The following PDPR variants were observed in gnomAD, a reference collection of about 807,000 sequenced individuals.
PDPR encodes the protein pyruvate dehydrogenase phosphatase regulatory subunit, mitochondrial.
A neutral mutation model predicts 102.2 loss-of-function variants in PDPR; 50 were observed. The ratio of observed to expected loss-of-function variants is 0.49; its 90% CI spans 0.39 to 0.62. The LOEUF (loss-of-function observed/expected upper bound fraction) is 0.62, where lower values mean the gene tolerates loss of function less well. Ranked by LOEUF, PDPR falls within the 20% of genes least tolerant of loss-of-function variation. PDPR has a pLI of 0.00. For missense variants in PDPR, 625 were observed against 1,098.2 expected (o/e 0.57, Z 6.09); for synonymous variants, 259 against 406.0 (o/e 0.64, Z 4.35).
chr16:70,128,583 T>C (rs1158290018), intron 4 of PDPR, among the ~76,000 whole-genome samples: 1 of 152,270 alleles, frequency 6.6e-6, no homozygotes, highest in South Asian at 2.1e-4. Flanking sequence ...GAATGTTTGG[T>C]CAGGGCATGG....
At chr16:70,115,409 A>G (rs1374459640) in intron 2 of PDPR, among the ~76,000 whole-genome samples, 1 of 152,214 alleles carries the variant, frequency 6.6e-6, no homozygotes, top group Admixed American at 6.5e-5. Context: ...GGCGTGAGCC[A>G]CTGCGCTCGG....
At chr16:70,122,860 C>CACACACACACACACAG (rs1199686504) in intron 3 of PDPR, among the ~76,000 whole-genome samples, 1 of 151,982 alleles carries the variant, frequency 6.6e-6, no homozygotes, top group African/African-American at 2.4e-5. Flanking sequence ...CACATACACA[C>CACACACACACACACAG]ACACACACCA....
At chr16:70,126,295 G>A (rs570165130) in intron 3 of PDPR, among the ~76,000 whole-genome samples, 22 of 152,242 alleles carry the variant, frequency 1.4e-4, no homozygotes, top group African/African-American at 2.2e-4. Flanking sequence ...CACTGCAGCC[G>A]CAAACTTTTG....
intron 18 of PDPR, among the ~76,000 whole-genome samples, chr16:70,154,716 C>CA (rs1211550267): frequency 6.6e-6 from 1 of 152,204 alleles, no homozygotes. Context: ...GATGTTGGCT[C>CA]ACTGCAATGC....
rs553038996 is a variant in PDPR, at chr16:70,160,512, C to T, written c.*3633C>T. On this transcript the variant is annotated 3_prime_UTR_variant, in exon 19 of 19. Transcript: ENST00000288050. The stretch of plus-strand genomic sequence containing the variant: ...GAAGAGATCTCATTCAGGCCAGAGA[C>T]ACAGAGACCACATAGCCCAGTGATT... The T allele has an allele frequency of 5.9e-5, 9 of 152,910 alleles. No homozygotes were observed. Among genetic ancestry groups the T allele is most frequent in the African/African-American group, 2.2e-4 (9 of 41,606 alleles). The allele number at this position is 152,910 out of a possible 1,614,324, so 9.5% of individuals were successfully genotyped here.
chr16:70,159,615 ACT>A lies in PDPR; in HGVS notation c.*2740_*2741del, dbSNP rs1282630673. The A allele has an allele frequency of 6.6e-6, 1 of 152,564 alleles. No individual in the cohort carries two copies. Among genetic ancestry groups the A allele is most frequent in the African/African-American group, 2.4e-5 (1 of 41,342 alleles). 9.5% of individuals were successfully genotyped at this position (152,564 alleles called of 1,614,324 possible). ...GAACAGACAGATCTGACAGTGAATG[ACT>A]CTCCCCTGCTTCTGGCATAACTGCT... On this transcript the variant is annotated 3_prime_UTR_variant, in exon 19 of 19. Transcript: ENST00000288050.
chr16:70,143,522 C>T lies in PDPR; in HGVS notation c.1618C>T (p.Gln540Ter), dbSNP rs373340201. The T allele has an allele frequency of 1.2e-6, 2 of 1,613,638 alleles. No individual in the cohort carries two copies. Among genetic ancestry groups the T allele is most frequent in the African/African-American group, 1.3e-5 (1 of 74,946 alleles). The change falls in exon 14 of 19, where the codon CAG (glutamine) becomes TAG (stop). Residue 540 changes from glutamine (Q) to a stop codon, truncating the protein, a stop_gained. Transcript: ENST00000288050. LOFTEE classifies it high-confidence loss of function. ...CCTAACCCTGCAGTCCACTGGGGAT[C>T]AGGCATTAGAAGTTCTACAGTACCT... ...TKFEITSTGD[Q>*]ALEVLQYLFS...
intron 10 of PDPR, among the ~76,000 whole-genome samples, chr16:70,138,038 C>CTT (rs200071207): frequency 0.11 from 13,551 of 118,142 alleles, 1,079 homozygotes; most frequent in African/African-American, 0.24. Flanking sequence ...ATACCCAGCT[C>CTT]TTTTTTTTTT....
rs961623921 is a variant in PDPR at position 70,161,507 on chromosome 16, G to A, written c.*4628G>A. On this transcript the variant is annotated 3_prime_UTR_variant, in exon 19 of 19. Transcript: ENST00000288050. ...GCACAGTTGAGTGGAAGAAATGGTA[G>A]ACTTGTGAGGCTTGCCCCAGGCCTT... The A allele has an allele frequency of 6.5e-6, 1 of 152,990 alleles. No individual in the cohort carries two copies. The highest frequency in any genetic ancestry group is 2.4e-5 in the African/African-American group (1 of 41,482). 9.5% of individuals were successfully genotyped at this position (152,990 alleles called of 1,614,324 possible). A position where few individuals can be genotyped will look rare whatever the true frequency, so the allele number is the denominator to read the frequency against.
rs1303228565 is a variant in PDPR, at chr16:70,159,257, CTGTT to C, written c.*2383_*2386del. On this transcript the variant is annotated 3_prime_UTR_variant, in exon 19 of 19. Transcript: ENST00000288050. ...CTGATGCTGTGTCCAAAATTATGCA[CTGTT>C]TGTTGAAGTAGAACCAGAAATCCTG... 2.6e-5 allele frequency: 4 copies of C among 152,384 alleles called. No homozygotes were observed. The highest frequency in any genetic ancestry group is 9.6e-5 in the African/African-American group (4 of 41,482). The allele number at this position is 152,384 out of a possible 1,614,324, so 9.4% of individuals were successfully genotyped here. A position where few individuals can be genotyped will look rare whatever the true frequency, so the allele number is the denominator to read the frequency against.
chr16:70,140,749 A>C (rs1264463109), intron 11 of PDPR, among the ~76,000 whole-genome samples: 1 of 152,222 alleles, frequency 6.6e-6, no homozygotes, highest in Non-Finnish European at 1.5e-5. Context: ...CGGGAGATGG[A>C]GGTTGCAGTG....
chr16:70,152,106 C>T (rs994115254), intron 17 of PDPR, among the ~76,000 whole-genome samples: 1 of 152,284 alleles, frequency 6.6e-6, no homozygotes. Flanking sequence ...TGTGTATTCT[C>T]CTCGTCCTGC....
At chr16:70,140,162 CCT>C in intron 11 of PDPR, among the ~76,000 whole-genome samples, 1 of 152,334 alleles carries the variant, frequency 6.6e-6, no homozygotes, top group South Asian at 2.1e-4. Context: ...GTAGCGAAAC[CCT>C]GTCTCTACTA....
At chr16:70,127,654 C>T (rs1390853858) in intron 4 of PDPR, among the ~76,000 whole-genome samples, 3 of 152,254 alleles carry the variant, frequency 2.0e-5, no homozygotes, top group Non-Finnish European at 2.9e-5. Flanking sequence ...GTAAATTATC[C>T]TTACTGTACT....
intron 2 of PDPR, chr16:70,120,161 C>T (rs1238070236): frequency 7.2e-6 from 2 of 276,320 alleles, no homozygotes; most frequent in Non-Finnish European, 1.4e-5. Flanking sequence ...GTTATCCACT[C>T]GCCGCGGCCT....
chr16:70,133,110 G>GTT (rs1567536026), intron 9 of PDPR, among the ~76,000 whole-genome samples: 1 of 61,018 alleles, frequency 1.6e-5, no homozygotes, highest in African/African-American at 7.4e-5. Flanking sequence ...ATACCCAGCT[G>GTT]CTTTTTTTTT....
intron 15 of PDPR, among the ~76,000 whole-genome samples, chr16:70,145,060 C>T (rs1279459335): frequency 1.3e-5 from 2 of 152,224 alleles, no homozygotes; most frequent in African/African-American, 2.4e-5. Context: ...TGAGACCAGC[C>T]TGGCCAACAT....
At position 70,143,534 on chromosome 16, in the gene PDPR, G is replaced by A. The variant is rs780964862; in HGVS notation, c.1630G>A (p.Val544Ile). Residue 544 changes from valine (V) to isoleucine (I), a missense_variant, in exon 14 of 19, where the codon GTT (valine) becomes ATT (isoleucine). Transcript: ENST00000288050. ...ITSTGDQALE[V>I]LQYLFSNDLD... ...GTCCACTGGGGATCAGGCATTAGAA[G>A]TTCTACAGTACCTCTTCTCCAATGA... The A allele has an allele frequency of 1.2e-6, 2 of 1,613,736 alleles. No individual in the cohort carries two copies. Among genetic ancestry groups the A allele is most frequent in the East Asian group, 2.2e-5 (1 of 44,890 alleles).
chr16:70,152,475 G>A (rs1469335284), intron 17 of PDPR, among the ~76,000 whole-genome samples: 5 of 152,276 alleles, frequency 3.3e-5, no homozygotes, highest in South Asian at 2.1e-4. Context: ...CCGAGATCGC[G>A]CCACTTCACT....
Sources: allele counts gnomAD v4.1 joint callset (sites outside exome capture counted in the v4.1 genomes callset), GRCh38; gene constraint gnomAD v4.1.1; transcripts MANE v1.5; gene names NCBI Gene and HGNC (gene_info 2026-07-23, HGNC 2026-07-21).